ABCC12: variants seen among roughly 807,000 people sequenced by gnomAD.
ABCC12 encodes ATP binding cassette subfamily C member 12, also known as ATP-binding cassette sub-family C member 12.
In ABCC12, 142 loss-of-function variants were observed where a neutral mutation model predicts 151.1. That is an observed-to-expected ratio of 0.94 (90% CI 0.82 to 1.08). ABCC12 has a LOEUF of 1.08. Among genes scored for constraint, ABCC12 ranks in the 50% least tolerant of loss-of-function variants. The probability of loss-of-function intolerance (pLI) is 0.00; values close to 1 mark genes in which losing one functional copy is unlikely to be tolerated. For missense variants in ABCC12, 1,638 were observed against 1,691.1 expected (o/e 0.97, Z 0.55); for synonymous variants, 645 against 646.4 (o/e 1.00, Z 0.03).
intron 8 of ABCC12, among the ~76,000 whole-genome samples, chr16:48,134,426 T>C (rs986066321): frequency 6.6e-6 from 1 of 152,176 alleles, no homozygotes; most frequent in African/African-American, 2.4e-5. Flanking sequence ...GCCAAGGAAG[T>C]TAGAGTCACA....
chr16:48,110,203 T>C (rs773385984), intron 18 of ABCC12, among the ~76,000 whole-genome samples: 3 of 152,216 alleles, frequency 2.0e-5, no homozygotes, highest in Non-Finnish European at 4.4e-5. Context: ...CCATTGAGGA[T>C]GCCAGATCTC....
intron 6 of ABCC12, among the ~76,000 whole-genome samples, chr16:48,140,243 T>C (rs1964758480): frequency 6.6e-6 from 1 of 152,078 alleles, no homozygotes; most frequent in South Asian, 2.1e-4. Context: ...TGATAAGTGT[T>C]AAGGATTAAG....
intron 2 of ABCC12, among the ~76,000 whole-genome samples, chr16:48,147,133 C>A (rs939072799): frequency 1.3e-5 from 2 of 152,200 alleles, no homozygotes; most frequent in African/African-American, 2.4e-5. Context: ...CCCCACACTT[C>A]TGTGACTGCT....
rs745557828 is a variant in ABCC12, at chr16:48,143,924, G to A, written c.261C>T (p.Asp87=). ...AATCCTGGTACCTTTTGGCATTGGT[G>A]TCAGATGAGTCATATGTCGACAATG... ...LPPLSTYDSS[D]TNAKRFRVLW... is the part of the protein sequence containing the mutation. The change falls in exon 4 of 31, where the codon GAC becomes GAT. Residue 87 remains aspartate (D), a synonymous_variant. Transcript: ENST00000311303. 5 of 1,613,818 alleles carry A rather than the reference G, an allele frequency of 3.1e-6. No individual in the cohort carries two copies. In the South Asian group the frequency reaches 4.4e-5, roughly 14 times the overall value.
chr16:48,147,644 T>C (rs1015433009), intron 2 of ABCC12, among the ~76,000 whole-genome samples: 1 of 152,144 alleles, frequency 6.6e-6, no homozygotes, highest in African/African-American at 2.4e-5. Flanking sequence ...CAAGAGTATA[T>C]AGAGAATGAG....
At chr16:48,102,652 G>C (rs1427448602) in intron 22 of ABCC12, among the ~76,000 whole-genome samples, 1 of 152,164 alleles carries the variant, frequency 6.6e-6, no homozygotes, top group Non-Finnish European at 1.5e-5. Flanking sequence ...CCCCTGCACA[G>C]AGTCCAGCTC....
At chr16:48,134,496 T>C (rs1158494458) in intron 8 of ABCC12, among the ~76,000 whole-genome samples, 1 of 152,198 alleles carries the variant, frequency 6.6e-6, no homozygotes, top group African/African-American at 2.4e-5. Context: ...CCTTGAGTTG[T>C]ATTTCAGAAA....
Position 48,115,526 on chromosome 16 carries a change from C to T in ABCC12, c.1878G>A (p.Leu626=). The T allele has an allele frequency of 1.9e-6, 3 of 1,614,214 alleles. No homozygotes were observed. The highest frequency in any genetic ancestry group is 1.3e-5 in the African/African-American group (1 of 75,060). Residue 626 remains leucine (L), a synonymous_variant, in exon 15 of 31, where the codon CTG becomes CTA. Transcript: ENST00000311303. ...AVYSDRQLYL[L]DDPLSAVDAH... Reference sequence around the variant, plus strand: ...CGTCCACGGCCGACAGGGGGTCGTCCAGCAGGTAGAGCTGACGGTCGGAGT... The same window carrying T: ...CGTCCACGGCCGACAGGGGGTCGTCTAGCAGGTAGAGCTGACGGTCGGAGT...
At chr16:48,085,778 G>T in intron 28 of ABCC12, 72 bp from the exon 29 acceptor site, 2 of 1,230,690 alleles carry the variant, frequency 1.6e-6, no homozygotes, top group Non-Finnish European at 2.4e-6. Context: ...TGTATTGATT[G>T]CCCCCTTCTC....
At chr16:48,149,957 C>A (rs541599453) in intron 2 of ABCC12, among the ~76,000 whole-genome samples, 1 of 152,284 alleles carries the variant, frequency 6.6e-6, no homozygotes, top group Non-Finnish European at 1.5e-5. Flanking sequence ...ATGTATGGAG[C>A]ACTGCAGCTC....
At chr16:48,133,087 T>G (rs1032134031) in intron 9 of ABCC12, among the ~76,000 whole-genome samples, 2 of 152,156 alleles carry the variant, frequency 1.3e-5, no homozygotes, top group African/African-American at 2.4e-5. Context: ...AACAGCCAAC[T>G]GCTTGTTTGG....
intron 15 of ABCC12, among the ~76,000 whole-genome samples, chr16:48,115,198 A>G (rs112103670): frequency 2.6e-5 from 4 of 152,294 alleles, no homozygotes; most frequent in African/African-American, 9.6e-5. Context: ...GTGCAGGAAA[A>G]GTCTTGGCCC....
chr16:48,151,598 G>T (rs186565855), intron 2 of ABCC12, among the ~76,000 whole-genome samples: 81 of 152,212 alleles, frequency 5.3e-4, no homozygotes, highest in African/African-American at 1.7e-3. Flanking sequence ...CTGGATATGG[G>T]GTACTGGAGA....
chr16:48,149,254 A>G (rs1965084771), intron 2 of ABCC12, among the ~76,000 whole-genome samples: 1 of 151,216 alleles, frequency 6.6e-6, no homozygotes, highest in African/African-American at 2.4e-5. Flanking sequence ...CAAAAAAAAA[A>G]AAAAAAAAAG....
intron 22 of ABCC12, among the ~76,000 whole-genome samples, 172 bp from the exon 23 acceptor site, chr16:48,101,181 T>C (rs1263161941): frequency 2.0e-5 from 3 of 152,078 alleles, no homozygotes; most frequent in African/African-American, 7.2e-5. Context: ...CTGCCCCAGG[T>C]GTGGGAATGG....
chr16:48,155,477 T>A (rs1278965869), intron 1 of ABCC12, among the ~76,000 whole-genome samples: 2 of 152,006 alleles, frequency 1.3e-5, no homozygotes, highest in African/African-American at 4.8e-5. Context: ...AATCCCATAA[T>A]TAAATTGTGA....
chr16:48,108,633 G>A (rs1963582669), intron 18 of ABCC12, 104 bp from the exon 19 acceptor site: 1 of 789,012 alleles, frequency 1.3e-6, no homozygotes, highest in East Asian at 2.5e-5. Context: ...TAAGGGGGCT[G>A]TGATGCATCC....
At position 48,082,536 on chromosome 16, in the gene ABCC12, T is replaced by C. The variant is rs1025249080; in HGVS notation, c.*1179A>G. On this transcript the variant is annotated 3_prime_UTR_variant, in exon 31 of 31. Coordinates refer to ENST00000311303, the MANE Select transcript of ABCC12 (RefSeq NM_001393797.1). ...TGCTGTCATTCATGGCTGCCACAAGTGTTTCCCGAGTGCTTCCAGGTGCCA... is the reference window on the plus strand; with the variant it reads ...TGCTGTCATTCATGGCTGCCACAAGCGTTTCCCGAGTGCTTCCAGGTGCCA... Among the ~76,000 whole-genome samples, 1 of 152,202 alleles carries C rather than the reference T, an allele frequency of 6.6e-6. No individual in the cohort carries two copies. The highest frequency in any genetic ancestry group is 6.5e-5 in the Admixed American group (1 of 15,278).
At chr16:48,097,663 G>A (rs1963150609) in intron 23 of ABCC12, among the ~76,000 whole-genome samples, 1 of 152,160 alleles carries the variant, frequency 6.6e-6, no homozygotes. Flanking sequence ...CAGCTCCACA[G>A]TTCCTAGGGC....
Sources: allele counts gnomAD v4.1 joint callset (sites outside exome capture counted in the v4.1 genomes callset), GRCh38; gene constraint gnomAD v4.1.1; transcripts MANE v1.5; gene names NCBI Gene and HGNC (gene_info 2026-07-23, HGNC 2026-07-21).